The following PRKAG2 variants were observed in gnomAD, a reference collection of about 807,000 sequenced individuals.
PRKAG2 encodes 5'-AMP-activated protein kinase subunit gamma-2.
Under a neutral mutation model 69.6 loss-of-function variants are expected in PRKAG2, and 26 were observed. That is an observed-to-expected ratio of 0.37 (90% CI 0.27 to 0.52). PRKAG2 has a LOEUF of 0.52. Ranked by LOEUF, PRKAG2 falls within the 20% of genes least tolerant of loss-of-function variation. The pLI is 0.90. For synonymous variants in PRKAG2, 293 were observed against 285.0 expected, an observed-to-expected ratio of 1.03 and a Z score of -0.28; for missense variants, 557 against 740.0, an observed-to-expected ratio of 0.75 and a Z score of 2.87.
intron 3 of PRKAG2, among the ~76,000 whole-genome samples, chr7:151,701,842 C>CAAA (rs71533538): frequency 1.1e-5 from 1 of 92,494 alleles, no homozygotes; most frequent in Non-Finnish European, 2.3e-5. Context: ...GACTCTGTCT[C>CAAA]AAAAAAAAAA....
At chr7:151,723,120 T>G (rs564692089) in intron 3 of PRKAG2, among the ~76,000 whole-genome samples, 28 of 152,310 alleles carry the variant, frequency 1.8e-4, no homozygotes, top group Middle Eastern at 3.4e-3. Flanking sequence ...AGTGACGTTG[T>G]GCATCTCCTG....
chr7:151,627,632 A>C (rs1000737909), intron 5 of PRKAG2, among the ~76,000 whole-genome samples: 4 of 152,310 alleles, frequency 2.6e-5, no homozygotes, highest in African/African-American at 9.6e-5. Flanking sequence ...ATAAAAAGAG[A>C]GAAAAATAAA....
In PRKAG2 at chr7:151,583,452, G is replaced by A. The variant is rs1236872296; in HGVS notation, c.865-7000C>T. Among the ~76,000 whole-genome samples the A allele has an allele frequency of 3.9e-5, 6 of 152,200 alleles. No homozygotes were observed. Among genetic ancestry groups the A allele is most frequent in the Non-Finnish European group, 5.9e-5 (4 of 68,028 alleles). On this transcript the variant is annotated intron_variant, in intron 6 of 15. Transcript: ENST00000287878. This position sits in a 1 kb window ranked among gnomAD's most constrained non-coding sequence, Gnocchi z 4.1. ...AAAGAGCAGTGTCCTGGGTGAGCTC[G>A]GGAGGGGCCTGACGCTTCTGTGGTT... is the stretch of plus-strand genomic sequence containing the variant.
chr7:151,814,464 A>G lies in PRKAG2; in HGVS notation c.115-27923T>C. ...TCTTCTCTTCCAGATGCTAATAAGCAGTGCAGGCTTGTAAGCTGCTGGATG... is the reference window on the plus strand; with the variant it reads ...TCTTCTCTTCCAGATGCTAATAAGCGGTGCAGGCTTGTAAGCTGCTGGATG... On this transcript the variant is annotated intron_variant, in intron 1 of 15. Coordinates refer to ENST00000287878, the MANE Select transcript of PRKAG2 (RefSeq NM_016203.4). This position sits in a 1 kb window ranked among gnomAD's most constrained non-coding sequence, Gnocchi z 4.8. The G allele has an allele frequency of 8.1e-7, 1 of 1,230,498 alleles. No homozygotes were observed. The highest frequency in any genetic ancestry group is 1.0e-6 in the Non-Finnish European group (1 of 987,722). 76.2% of individuals were successfully genotyped at this position (1,230,498 alleles called of 1,614,324 possible). A position where few individuals can be genotyped will look rare whatever the true frequency, so the allele number is the denominator to read the frequency against.
At chr7:151,739,504 T>C (rs1176622741) in intron 3 of PRKAG2, among the ~76,000 whole-genome samples, 1 of 151,990 alleles carries the variant, frequency 6.6e-6, no homozygotes, top group Non-Finnish European at 1.5e-5. Flanking sequence ...AGTTTTGCTC[T>C]TGTTGCCCAG....
chr7:151,770,521 T>C (rs2075970895), intron 3 of PRKAG2, among the ~76,000 whole-genome samples: 1 of 152,248 alleles, frequency 6.6e-6, no homozygotes, highest in Non-Finnish European at 1.5e-5. Flanking sequence ...CTAGAGACTA[T>C]GCTTCCCAGC....
chr7:151,557,184 G>A lies in PRKAG2; in HGVS notation c.*17C>T, dbSNP rs370121696. 16 of 1,614,024 alleles carry A rather than the reference G, an allele frequency of 9.9e-6. No individual in the cohort carries two copies. Among genetic ancestry groups the A allele is most frequent in the Middle Eastern group, 1.6e-4 (1 of 6,084 alleles). ...TTTGTTCAAGTTCTCCTCCTAGGGC[G>A]TCTACATTCACGGCGGTCACTCCGT... On this transcript the variant is annotated 3_prime_UTR_variant, in exon 16 of 16. Transcript: ENST00000287878.
intron 1 of PRKAG2, among the ~76,000 whole-genome samples, chr7:151,871,688 C>A (rs1049208266): frequency 6.6e-6 from 1 of 152,224 alleles, no homozygotes; most frequent in Non-Finnish European, 1.5e-5. Context: ...CTAGGCTGTC[C>A]CCTAAAATGG....
chr7:151,817,557 G>T (rs1233823422), intron 1 of PRKAG2, among the ~76,000 whole-genome samples: 1 of 152,012 alleles, frequency 6.6e-6, no homozygotes, highest in Non-Finnish European at 1.5e-5. Context: ...TGACCCTTGG[G>T]CCCCGCATGC....
intron 3 of PRKAG2, among the ~76,000 whole-genome samples, chr7:151,718,612 CAAAA>C (rs35143182): frequency 2.7e-5 from 2 of 74,770 alleles, no homozygotes; most frequent in African/African-American, 3.9e-5. Context: ...CCCCAGGATG[CAAAA>C]AAAAAAAAAA....
chr7:151,639,947 C>G (rs1826404949), intron 4 of PRKAG2, among the ~76,000 whole-genome samples: 1 of 152,172 alleles, frequency 6.6e-6, no homozygotes, highest in South Asian at 2.1e-4. Context: ...CCATCCGTTT[C>G]TATCATCTAT....
At chr7:151,832,248 GAA>G (rs2079046991) in intron 1 of PRKAG2, among the ~76,000 whole-genome samples, 3 of 23,908 alleles carry the variant, frequency 1.3e-4, no homozygotes, top group African/African-American at 3.3e-4. Flanking sequence ...AGGAGGGAAG[GAA>G]GGGAGGAGGG....
chr7:151,571,358 C>A lies in PRKAG2; in HGVS notation c.1052-1133G>T, dbSNP rs556025979. Among the ~76,000 whole-genome samples the A allele has an allele frequency of 6.6e-4, 100 of 152,258 alleles. 1 individual carries two copies. In the Middle Eastern group the frequency reaches 0.02, roughly 31 times the overall value. On this transcript the variant is annotated intron_variant, in intron 9 of 15. Transcript: ENST00000287878. ...AAAGTGCTGGGATTATAGGCGTGAGCTACTGCGCCTGGCTCTAATTTTGTA... is the reference window on the plus strand; with the variant it reads ...AAAGTGCTGGGATTATAGGCGTGAGATACTGCGCCTGGCTCTAATTTTGTA...
chr7:151,875,295 C>T (rs890845846), intron 1 of PRKAG2, among the ~76,000 whole-genome samples: 1 of 152,196 alleles, frequency 6.6e-6, no homozygotes, highest in African/African-American at 2.4e-5. Flanking sequence ...TGGACTCCAC[C>T]CTCTTCACCC....
Position 151,754,772 on chromosome 7 carries a change from C to T in PRKAG2, c.466+26380G>A, listed in dbSNP as rs553373607. Among the ~76,000 whole-genome samples, 158 of 149,428 alleles carry T rather than the reference C, an allele frequency of 1.1e-3. 1 individual carries two copies. Among genetic ancestry groups the T allele is most frequent in the African/African-American group, 3.5e-3 (143 of 40,856 alleles). On this transcript the variant is annotated intron_variant, in intron 3 of 15. Transcript: ENST00000287878. ...GCCCTAACTTCGAGTACCTCACTCT[C>T]CAGCACTTCGAGCTGCACCTCACTC...
At position 151,814,656 on chromosome 7, in the gene PRKAG2, G is replaced by C. The variant is rs958976043; in HGVS notation, c.115-28115C>G. 1 of 1,231,826 alleles carries C rather than the reference G, an allele frequency of 8.1e-7. No homozygotes were observed. The highest frequency in any genetic ancestry group is 1.0e-6 in the Non-Finnish European group (1 of 988,012). 76.3% of individuals were successfully genotyped at this position (1,231,826 alleles called of 1,614,324 possible). ...TGCCACTGCATGTCTGCAACAGATG[G>C]GGACCGGGGCTGGGTGTGTTCCCAG... On this transcript the variant is annotated intron_variant, in intron 1 of 15. Transcript: ENST00000287878. The surrounding 1 kb of genome is among the most constrained non-coding windows in gnomAD (Gnocchi z 4.8).
intron 1 of PRKAG2, among the ~76,000 whole-genome samples, chr7:151,802,544 GC>G (rs2077893336): frequency 9.7e-6 from 1 of 102,956 alleles, no homozygotes; most frequent in Non-Finnish European, 2.6e-5. Context: ...GGCCCACCTG[GC>G]CCCCTCTTAG....
chr7:151,712,203 C>T (rs6945073), intron 3 of PRKAG2, among the ~76,000 whole-genome samples: 6,996 of 152,318 alleles, frequency 0.046, 290 homozygotes, highest in East Asian at 0.12. Flanking sequence ...ACCCAGCCTC[C>T]GCCCGACCCT....
intron 3 of PRKAG2, among the ~76,000 whole-genome samples, chr7:151,704,906 T>C (rs1838338175): frequency 6.6e-6 from 1 of 152,154 alleles, no homozygotes; most frequent in Admixed American, 6.5e-5. Flanking sequence ...GCCTATGATT[T>C]AGTGGACAGA....
Sources: gnomAD v4.1 joint callset for allele counts (sites outside exome capture counted in the v4.1 genomes callset) on GRCh38, gnomAD v4.1.1 for gene constraint, Gnocchi (gnomAD v3.1) non-coding constraint, MANE v1.5 for transcripts, NCBI Gene and HGNC (gene_info 2026-07-23, HGNC 2026-07-21) for gene names.